Variants in PAWR observed in about 807,000 individuals in gnomAD.
The protein encoded by PAWR is pro-apoptotic WT1 regulator.
Under a neutral mutation model 32.0 loss-of-function variants are expected in PAWR, and 23 were observed. The observed-to-expected ratio is 0.72, with a 90% CI of 0.52 to 1.02. The LOEUF (loss-of-function observed/expected upper bound fraction) is 1.02. PAWR is among the 50% of genes least tolerant of loss of function. The probability of loss-of-function intolerance (pLI) is 0.00; values close to 1 mark genes in which losing one functional copy is unlikely to be tolerated. For synonymous variants in PAWR, 226 were observed against 187.1 expected (o/e 1.21, Z -1.70); for missense variants, 457 against 437.7 (o/e 1.04, Z -0.39).
intron 2 of PAWR, among the ~76,000 whole-genome samples, chr12:79,629,622 A>G (rs992593690): frequency 3.3e-5 from 5 of 152,082 alleles, no homozygotes; most frequent in African/African-American, 1.2e-4. Flanking sequence ...AATTCTGTCA[A>G]TTTGACCCAA....
chr12:79,621,071 C>G lies in PAWR; in HGVS notation c.648+5G>C, dbSNP rs1592506318. The G allele has an allele frequency of 1.3e-6, 2 of 1,584,336 alleles. No homozygotes were observed. On this transcript the variant is annotated splice_donor_5th_base_variant and intron_variant, in intron 3 of 6. Coordinates refer to ENST00000328827, the MANE Select transcript of PAWR (RefSeq NM_002583.4). The stretch of plus-strand genomic sequence containing the variant: ...AGTGACTTCCTGGTATTTTTAAATA[C>G]TCACCTGTAGCAGATAGGAACTGCC...
rs149952212 is a variant in PAWR at position 79,598,851 on chromosome 12, C to T, written c.684-2193G>A. ...TCCTGGGTTCAAGCGATCCTCCTGCCTCAGCCTCCTGAGTAGCTGGGATTA... is the reference window on the plus strand; with the variant it reads ...TCCTGGGTTCAAGCGATCCTCCTGCTTCAGCCTCCTGAGTAGCTGGGATTA... On this transcript the variant is annotated intron_variant, in intron 4 of 6. Coordinates refer to ENST00000328827, the MANE Select transcript of PAWR (RefSeq NM_002583.4). Among the ~76,000 whole-genome samples the T allele has an allele frequency of 6.5e-3, 995 of 152,322 alleles. 11 individuals are homozygous for T. Among genetic ancestry groups the T allele is most frequent in the African/African-American group, 0.02 (814 of 41,580 alleles).
At chr12:79,656,476 A>C (rs1877099916) in intron 2 of PAWR, among the ~76,000 whole-genome samples, 2 of 152,176 alleles carry the variant, frequency 1.3e-5, no homozygotes. Context: ...GACATATGTC[A>C]ATTCAGAACA....
At chr12:79,601,959 G>C (rs1201289455) in intron 4 of PAWR, among the ~76,000 whole-genome samples, 1 of 152,128 alleles carries the variant, frequency 6.6e-6, no homozygotes, top group Non-Finnish European at 1.5e-5. Flanking sequence ...TATCTTACCA[G>C]CTGAACAACA....
intron 4 of PAWR, among the ~76,000 whole-genome samples, chr12:79,597,371 C>T (rs866140591): frequency 6.6e-6 from 1 of 152,078 alleles, no homozygotes; most frequent in African/African-American, 2.4e-5. Flanking sequence ...GCCTAGATCG[C>T]CCAGACTATG....
intron 4 of PAWR, among the ~76,000 whole-genome samples, chr12:79,609,849 T>G (rs935882510): frequency 6.6e-6 from 1 of 152,108 alleles, no homozygotes; most frequent in Non-Finnish European, 1.5e-5. Context: ...ACTGAACTGT[T>G]TAACACTTAA....
intron 4 of PAWR, among the ~76,000 whole-genome samples, chr12:79,602,914 T>G (rs558207081): frequency 6.6e-6 from 1 of 151,448 alleles, no homozygotes; most frequent in African/African-American, 2.4e-5. Context: ...CTACCACAAA[T>G]ACACAAAACG....
intron 2 of PAWR, among the ~76,000 whole-genome samples, chr12:79,636,303 C>T (rs1566012644): frequency 6.6e-6 from 1 of 151,350 alleles, no homozygotes; most frequent in Non-Finnish European, 1.5e-5. Flanking sequence ...AATCAATATA[C>T]CATTTGCCTC....
At chr12:79,610,060 C>T (rs1167503565) in intron 4 of PAWR, among the ~76,000 whole-genome samples, 4 of 152,114 alleles carry the variant, frequency 2.6e-5, no homozygotes, top group Admixed American at 6.5e-5. Flanking sequence ...GCAGTGGGTT[C>T]GAGTGAGTGG....
rs1200365241 is a variant in PAWR at position 79,591,444 on chromosome 12, A to T, written c.*1163T>A. 6.6e-6 allele frequency: 1 copy of T among 152,214 alleles called. No individual in the cohort carries two copies. The highest frequency in any genetic ancestry group is 2.4e-5 in the African/African-American group (1 of 41,470). The allele number at this position is 152,214 out of a possible 1,614,324, so 9.4% of individuals were successfully genotyped here. A position where few individuals can be genotyped will look rare whatever the true frequency, so the allele number is the denominator to read the frequency against. ...AATTCAATCACAAAGCAAAAATGTC[A>T]TAATTTTAATGTATTTTAAGGGAAG... On this transcript the variant is annotated 3_prime_UTR_variant, in exon 7 of 7. Coordinates refer to ENST00000328827, the MANE Select transcript of PAWR (RefSeq NM_002583.4).
rs145696734 is a variant in PAWR at position 79,613,236 on chromosome 12, T to C, written c.683+339A>G. Reference sequence around the variant, plus strand: ...TAATTTCTGTTAAGTCACCAGTCTATAGTATTTTGTTATGGCACTCTGAGC... The same window carrying C: ...TAATTTCTGTTAAGTCACCAGTCTACAGTATTTTGTTATGGCACTCTGAGC... On this transcript the variant is annotated intron_variant, in intron 4 of 6. Transcript: ENST00000328827. 4.1e-3 allele frequency among the ~76,000 whole-genome samples: 621 copies of C among 152,328 alleles called. 12 individuals carry two copies. Among genetic ancestry groups the C allele is most frequent in the African/African-American group, 0.014 (589 of 41,566 alleles).
chr12:79,626,147 G>C (rs1592510549), intron 2 of PAWR, among the ~76,000 whole-genome samples: 1 of 105,918 alleles, frequency 9.4e-6, no homozygotes, highest in African/African-American at 3.5e-5. Flanking sequence ...CTGGGCTACA[G>C]AGTGAGACTC....
rs2307225 is a variant in PAWR at position 79,613,548 on chromosome 12, A to G, written c.683+27T>C. ...GACAGACATTACATTCATGTCTACA[A>G]TATGTTTAAGTCATAAGGATTCTTA... On this transcript the variant is annotated intron_variant, in intron 4 of 6. Transcript: ENST00000328827. The G allele has an allele frequency of 9.7e-4, 1,272 of 1,312,874 alleles. 8 individuals carry two copies. The African/African-American group carries it at 0.016, about 17-fold the overall frequency. The allele number at this position is 1,312,874 out of a possible 1,614,324, so 81.3% of individuals were successfully genotyped here.
chr12:79,636,820 T>C (rs532591773), intron 2 of PAWR, among the ~76,000 whole-genome samples: 2 of 152,294 alleles, frequency 1.3e-5, no homozygotes, highest in Non-Finnish European at 2.9e-5. Flanking sequence ...AAAAATTTTA[T>C]CTCATTTTCT....
rs139805996 is a variant in PAWR at position 79,622,576 on chromosome 12, T to C, written c.517-1369A>G. 4.1e-3 allele frequency among the ~76,000 whole-genome samples: 619 copies of C among 152,146 alleles called. 11 individuals carry two copies. The highest frequency in any genetic ancestry group is 0.014 in the African/African-American group (587 of 41,494). ...TGCAGTGATTGGTTTTCTGTCCTTG[T>C]GATAGTTTGCTCAGAATGATGGTTT... On this transcript the variant is annotated intron_variant, in intron 2 of 6. Coordinates refer to ENST00000328827, the MANE Select transcript of PAWR (RefSeq NM_002583.4).
At chr12:79,596,885 G>C (rs1451316675) in intron 4 of PAWR, 1 of 438,684 alleles carries the variant, frequency 2.3e-6, no homozygotes, top group Non-Finnish European at 4.0e-6. Context: ...GTTAAGTAAC[G>C]AACACTGTTC....
chr12:79,651,603 C>T (rs1876848726), intron 2 of PAWR, among the ~76,000 whole-genome samples: 1 of 151,280 alleles, frequency 6.6e-6, no homozygotes, highest in African/African-American at 2.4e-5. Context: ...AGAAGATGAG[C>T]CAGGCCTGGT....
At chr12:79,639,911 C>CATTCCATTCCATTCTATTCT (rs1566014452) in intron 2 of PAWR, among the ~76,000 whole-genome samples, 1 of 102,774 alleles carries the variant, frequency 9.7e-6, no homozygotes, top group African/African-American at 5.0e-5. Context: ...CATTCCATTC[C>CATTCCATTCCATTCTATTCT]ATTCTATTCT....
intron 2 of PAWR, among the ~76,000 whole-genome samples, chr12:79,651,178 A>G (rs1352984053): frequency 1.3e-5 from 2 of 152,226 alleles, no homozygotes; most frequent in East Asian, 1.9e-4. Flanking sequence ...AATCACATAA[A>G]TAAAAATTTC....
Sources: allele counts gnomAD v4.1 joint callset (sites outside exome capture counted in the v4.1 genomes callset), GRCh38; gene constraint gnomAD v4.1.1; transcripts MANE v1.5; gene names NCBI Gene and HGNC (gene_info 2026-07-23, HGNC 2026-07-21).